The following ERC2 variants were observed in gnomAD, a reference collection of about 807,000 sequenced individuals.
The protein encoded by ERC2 is ELKS/RAB6-interacting/CAST family member 2.
A neutral mutation model predicts 114.8 loss-of-function variants in ERC2; 42 were observed. The ratio of observed to expected loss-of-function variants is 0.37; its 90% CI spans 0.29 to 0.47. ERC2 has a LOEUF of 0.47. Ranked by LOEUF, ERC2 falls within the 20% of genes least tolerant of loss-of-function variation. The pLI is 0.99. For missense variants in ERC2, 939 were observed against 1,150.7 expected (o/e 0.82, Z 2.66); for synonymous variants, 454 against 425.5 (o/e 1.07, Z -0.82).
intron 17 of ERC2, among the ~76,000 whole-genome samples, chr3:55,678,913 T>G (rs1488687322): frequency 6.6e-6 from 1 of 152,168 alleles, no homozygotes; most frequent in East Asian, 1.9e-4. Context: ...TATCTCCAAT[T>G]TATCCACTTG....
chr3:56,108,449 A>G (rs1489031432), intron 6 of ERC2, among the ~76,000 whole-genome samples: 1 of 152,122 alleles, frequency 6.6e-6, no homozygotes, highest in East Asian at 1.9e-4. Context: ...TTAAATAACC[A>G]ATAATTTTTT....
intron 14 of ERC2, among the ~76,000 whole-genome samples, chr3:55,823,504 T>C (rs563632680): frequency 3.9e-5 from 6 of 152,210 alleles, no homozygotes; most frequent in African/African-American, 1.2e-4. Flanking sequence ...GAGTCATTCA[T>C]AGTGCATGCC....
At chr3:56,182,352 C>T (rs1452216) in intron 3 of ERC2, among the ~76,000 whole-genome samples, 24 of 152,038 alleles carry the variant, frequency 1.6e-4, no homozygotes, top group Middle Eastern at 3.4e-3. Context: ...CAACAGTAGG[C>T]GCTCAACAAA....
At chr3:56,099,222 T>A (rs1394644358) in intron 6 of ERC2, among the ~76,000 whole-genome samples, 2 of 152,204 alleles carry the variant, frequency 1.3e-5, no homozygotes, top group Non-Finnish European at 2.9e-5. Flanking sequence ...TTAGAGCCTC[T>A]GTGGGGTGTG....
At chr3:56,019,358 CTTGGTACACT>C (rs753212957) in intron 7 of ERC2, among the ~76,000 whole-genome samples, 15 of 152,170 alleles carry the variant, frequency 9.9e-5, no homozygotes, top group Non-Finnish European at 1.5e-4. Context: ...TAGGCTTGAA[CTTGGTACACT>C]GAACCAGGGA....
intron 13 of ERC2, among the ~76,000 whole-genome samples, chr3:55,920,415 A>ACACACACAC (rs2065347551): frequency 1.4e-5 from 2 of 146,720 alleles, no homozygotes; most frequent in African/African-American, 5.0e-5. Flanking sequence ...GGCACACTAA[A>ACACACACAC]ACACACACAC....
chr3:56,254,728 G>A (rs1443143219), intron 3 of ERC2, among the ~76,000 whole-genome samples: 1 of 152,166 alleles, frequency 6.6e-6, no homozygotes, highest in African/African-American at 2.4e-5. Flanking sequence ...GGACAAGTAA[G>A]CTAATTTTCC....
rs575347179 is a variant in ERC2 at position 55,542,104 on chromosome 3, G to C, written c.*40-30828C>G. ...AAAATCTAAGAATCTATCTAAGATC[G>C]CAGGATTTATATAGGATGAAGCCAG... On this transcript the variant is annotated intron_variant, in intron 17 of 17. Coordinates refer to ENST00000288221, the MANE Select transcript of ERC2 (RefSeq NM_015576.3). Among the ~76,000 whole-genome samples, 4 of 152,136 alleles carry C rather than the reference G, an allele frequency of 2.6e-5. 1 individual carries two copies. The South Asian group carries it at 8.3e-4, about 32-fold the overall frequency.
intron 7 of ERC2, among the ~76,000 whole-genome samples, chr3:56,030,396 C>A (rs2074305770): frequency 6.6e-6 from 1 of 151,940 alleles, no homozygotes; most frequent in Admixed American, 6.6e-5. Context: ...TTATTTAGTT[C>A]AATTGCTGAT....
intron 12 of ERC2, among the ~76,000 whole-genome samples, chr3:55,972,401 A>G (rs2069234883): frequency 6.6e-6 from 1 of 152,110 alleles, no homozygotes; most frequent in Non-Finnish European, 1.5e-5. Flanking sequence ...TGCATTAGAT[A>G]TTTGTCCTAA....
At chr3:55,732,310 A>C (rs1221835090) in intron 15 of ERC2, among the ~76,000 whole-genome samples, 2 of 152,220 alleles carry the variant, frequency 1.3e-5, no homozygotes, top group Non-Finnish European at 2.9e-5. Flanking sequence ...ACTGAAATTC[A>C]GGTGATTTTT....
chr3:55,592,071 G>A (rs1477106775), intron 17 of ERC2, among the ~76,000 whole-genome samples: 1 of 152,176 alleles, frequency 6.6e-6, no homozygotes, highest in Non-Finnish European at 1.5e-5. Flanking sequence ...GGCAGGGGAG[G>A]AACTTAGGAT....
At chr3:55,994,846 G>T (rs1012189621) in intron 10 of ERC2, among the ~76,000 whole-genome samples, 4 of 152,076 alleles carry the variant, frequency 2.6e-5, no homozygotes, top group Admixed American at 1.3e-4. Context: ...ATGGTGAAAG[G>T]ACTCATGGGA....
chr3:56,345,058 A>G (rs2058251846), intron 2 of ERC2, among the ~76,000 whole-genome samples: 1 of 152,218 alleles, frequency 6.6e-6, no homozygotes, highest in South Asian at 2.1e-4. Flanking sequence ...AACTAAAGAA[A>G]AACTAATATT....
Position 55,789,775 on chromosome 3 carries a change from T to C in ERC2, c.2565-54857A>G, listed in dbSNP as rs533780909. On this transcript the variant is annotated intron_variant, in intron 14 of 17. Coordinates refer to ENST00000288221, the MANE Select transcript of ERC2 (RefSeq NM_015576.3). ...CTATTTAAGCAAACATAGAGGGTAA[T>C]AAGCCTACTGGTGATACAAAAAGGC... 2.3e-4 allele frequency among the ~76,000 whole-genome samples: 35 copies of C among 152,212 alleles called. No individual in the cohort carries two copies. In the South Asian group the frequency reaches 6.8e-3, roughly 30 times the overall value.
chr3:56,028,715 T>C (rs948340351), intron 7 of ERC2, among the ~76,000 whole-genome samples: 23 of 152,072 alleles, frequency 1.5e-4, no homozygotes, highest in African/African-American at 5.5e-4. Context: ...GGTTGTTTTG[T>C]TTCATTTTTT....
chr3:55,834,395 G>A (rs1448301128), intron 14 of ERC2, among the ~76,000 whole-genome samples: 5 of 152,110 alleles, frequency 3.3e-5, no homozygotes, highest in African/African-American at 9.6e-5. Context: ...AAGAACAGAA[G>A]TTATAACAAA....
chr3:55,903,812 C>T (rs1025502970), intron 13 of ERC2, among the ~76,000 whole-genome samples: 2 of 152,190 alleles, frequency 1.3e-5, no homozygotes, highest in African/African-American at 4.8e-5. Context: ...CTGTCAGGCC[C>T]ACTCCTCTGG....
intron 2 of ERC2, among the ~76,000 whole-genome samples, chr3:56,337,638 A>G (rs1056613667): frequency 1.3e-5 from 2 of 151,568 alleles, no homozygotes; most frequent in Non-Finnish European, 2.9e-5. Context: ...TGAGGTACAG[A>G]AAAAAAAACA....
Sources: allele counts gnomAD v4.1 joint callset (sites outside exome capture counted in the v4.1 genomes callset), GRCh38; gene constraint gnomAD v4.1.1; transcripts MANE v1.5; gene names NCBI Gene and HGNC (gene_info 2026-07-23, HGNC 2026-07-21).